The following NOVA1 variants were observed in gnomAD, a reference collection of about 807,000 sequenced individuals.
The protein encoded by NOVA1 is NOVA alternative splicing regulator 1.
In NOVA1, 7 loss-of-function variants were observed where a neutral mutation model predicts 38.0. That is an observed-to-expected ratio of 0.18 (90% CI 0.10 to 0.35). The LOEUF (loss-of-function observed/expected upper bound fraction) is 0.35, where lower values mean the gene tolerates loss of function less well. Among genes scored for constraint, NOVA1 ranks in the 10% least tolerant of loss-of-function variants. The pLI is 1.00. For synonymous variants in NOVA1, 270 were observed against 232.5 expected (o/e 1.16, Z -1.47); for missense variants, 460 against 616.0 (o/e 0.75, Z 2.68).
intron 4 of NOVA1, among the ~76,000 whole-genome samples, chr14:26,453,164 TTATGTATGTATGTATGTATG>T (rs146403566): frequency 1.0e-3 from 131 of 125,200 alleles, no homozygotes; most frequent in Non-Finnish European, 1.8e-3. Flanking sequence ...ACTGCTTCAA[TTATGTATGTATGTATGTATG>T]TATGTATGTA....
At chr14:26,497,749 C>A (rs1436525619) in intron 2 of NOVA1, among the ~76,000 whole-genome samples, 1 of 152,044 alleles carries the variant, frequency 6.6e-6, no homozygotes, top group Non-Finnish European at 1.5e-5. Flanking sequence ...CTGAACTAGT[C>A]AAGTAAGGAG....
intron 1 of NOVA1, chr14:26,596,595 C>T: frequency 7.8e-7 from 1 of 1,289,124 alleles, no homozygotes; most frequent in Non-Finnish European, 1.0e-6. Flanking sequence ...GCATTGGGTG[C>T]ATTGTTAAGA....
chr14:26,543,090 T>G (rs1305073594), intron 2 of NOVA1, among the ~76,000 whole-genome samples: 1 of 151,992 alleles, frequency 6.6e-6, no homozygotes, highest in Non-Finnish European at 1.5e-5. Flanking sequence ...GTGATGGATA[T>G]CCCAATTGTC....
chr14:26,464,879 T>C (rs972348599), intron 4 of NOVA1, among the ~76,000 whole-genome samples: 8 of 152,168 alleles, frequency 5.3e-5, no homozygotes, highest in African/African-American at 2.4e-5. Flanking sequence ...TTACTTAATA[T>C]GAATTCAGTG....
At chr14:26,536,677 T>A (rs1890120263) in intron 2 of NOVA1, among the ~76,000 whole-genome samples, 1 of 152,066 alleles carries the variant, frequency 6.6e-6, no homozygotes, top group Non-Finnish European at 1.5e-5. Context: ...GTGAGCATAT[T>A]CATAACCTTC....
At position 26,448,535 on chromosome 14, in the gene NOVA1, G is replaced by A; in HGVS notation, c.948C>T (p.Thr316=). The A allele has an allele frequency of 6.2e-7, 1 of 1,614,218 alleles. No individual in the cohort carries two copies. The highest frequency in any genetic ancestry group is 2.2e-5 in the East Asian group (1 of 44,880). The change falls in exon 5 of 5, where the codon ACC becomes ACT. Residue 316 remains threonine (T), a synonymous_variant. Transcript: ENST00000539517. The surrounding 1 kb of genome is among the most constrained non-coding windows in gnomAD (Gnocchi z 5.3). ...AGCTGGCTAATGTATTAAGTGCAGA[G>A]GTGATGGCCACCAGGTCATTGCCTG... The part of the protein sequence containing the change: ...GFTGNDLVAI[T]SALNTLASYG...
At chr14:26,594,502 T>C (rs907254684) in intron 2 of NOVA1, 2 of 151,954 alleles carry the variant, frequency 1.3e-5, no homozygotes, top group African/African-American at 4.8e-5. Context: ...TTGACAGCCA[T>C]AAAGATAAAA....
chr14:26,543,251 C>CT (rs906694993), intron 2 of NOVA1, among the ~76,000 whole-genome samples: 2 of 151,890 alleles, frequency 1.3e-5, no homozygotes, highest in Non-Finnish European at 2.9e-5. Context: ...ATCCCTCAAA[C>CT]TTTTTTTGGA....
chr14:26,563,503 A>G (rs890066670), intron 2 of NOVA1, among the ~76,000 whole-genome samples: 3 of 152,012 alleles, frequency 2.0e-5, no homozygotes, highest in Non-Finnish European at 4.4e-5. Flanking sequence ...AAATAAGAAA[A>G]TCAGAAGACA....
intron 2 of NOVA1, among the ~76,000 whole-genome samples, chr14:26,558,047 T>A (rs1362413376): frequency 6.7e-6 from 1 of 150,300 alleles, no homozygotes; most frequent in Admixed American, 6.6e-5. Flanking sequence ...ATGATTCCAA[T>A]TAAATGATGA....
intron 2 of NOVA1, among the ~76,000 whole-genome samples, chr14:26,516,902 G>A (rs1250499513): frequency 9.4e-6 from 1 of 106,760 alleles, no homozygotes; most frequent in Admixed American, 1.4e-4. Context: ...CTCTGACTTT[G>A]CCTCTTTTTT....
At chr14:26,490,842 G>GTTTTTTT in intron 2 of NOVA1, among the ~76,000 whole-genome samples, 1 of 70,808 alleles carries the variant, frequency 1.4e-5, no homozygotes, top group Non-Finnish European at 2.7e-5. Flanking sequence ...CATCTGGCTA[G>GTTTTTTT]TTTTTTTTTT....
intron 2 of NOVA1, among the ~76,000 whole-genome samples, chr14:26,497,435 C>T (rs1030136692): frequency 6.6e-6 from 1 of 152,062 alleles, no homozygotes; most frequent in Non-Finnish European, 1.5e-5. Flanking sequence ...ACGTAAATGT[C>T]AAAAGAAGAG....
At chr14:26,595,966 G>C (rs1281401876) in intron 1 of NOVA1, 4 of 383,704 alleles carry the variant, frequency 1.0e-5, no homozygotes, top group East Asian at 8.1e-5. Context: ...AAGAAGAAAA[G>C]CCCAGGACTG....
intron 2 of NOVA1, among the ~76,000 whole-genome samples, chr14:26,538,441 T>A (rs1890252548): frequency 6.6e-6 from 1 of 152,120 alleles, no homozygotes; most frequent in South Asian, 2.1e-4. Flanking sequence ...ATTTAAAAAA[T>A]TATACTACAT....
At chr14:26,586,237 T>C (rs2084359325) in intron 2 of NOVA1, among the ~76,000 whole-genome samples, 1 of 151,324 alleles carries the variant, frequency 6.6e-6, no homozygotes, top group Non-Finnish European at 1.5e-5. Context: ...TATGATTATA[T>C]TAGAACATAG....
At chr14:26,584,012 GAATTT>G (rs1893376013) in intron 2 of NOVA1, among the ~76,000 whole-genome samples, 1 of 151,152 alleles carries the variant, frequency 6.6e-6, no homozygotes, top group Non-Finnish European at 1.5e-5. Context: ...CATATTGAAT[GAATTT>G]AAGAAACAAG....
At chr14:26,542,973 GAATA>G (rs1034134180) in intron 2 of NOVA1, among the ~76,000 whole-genome samples, 2 of 151,702 alleles carry the variant, frequency 1.3e-5, no homozygotes, top group African/African-American at 2.4e-5. Flanking sequence ...ATTTGCCTAA[GAATA>G]AATAAACACC....
At chr14:26,476,289 G>T (rs1239860949) in intron 3 of NOVA1, among the ~76,000 whole-genome samples, 1 of 152,112 alleles carries the variant, frequency 6.6e-6, no homozygotes, top group Non-Finnish European at 1.5e-5. Flanking sequence ...GATTTTTAAT[G>T]CAAGAGAGAA....
Sources: gnomAD v4.1 joint callset for allele counts (sites outside exome capture counted in the v4.1 genomes callset) on GRCh38, gnomAD v4.1.1 for gene constraint, Gnocchi (gnomAD v3.1) non-coding constraint, MANE v1.5 for transcripts, NCBI Gene and HGNC (gene_info 2026-07-23, HGNC 2026-07-21) for gene names.